Variants in NPSR1 observed in about 807,000 individuals in gnomAD.
NPSR1 encodes the protein neuropeptide S receptor 1, also known as neuropeptide S receptor.
A neutral mutation model predicts 46.9 loss-of-function variants in NPSR1; 48 were observed. That is an observed-to-expected ratio of 1.02 (90% CI 0.81 to 1.30). NPSR1 has a LOEUF of 1.30. NPSR1 is among the 50% of genes most tolerant of loss of function. The pLI, the probability that NPSR1 is intolerant of heterozygous loss-of-function variation, is 0.00. For synonymous variants in NPSR1, 176 were observed against 168.1 expected, an observed-to-expected ratio of 1.05 and a Z score of -0.36; for missense variants, 450 against 449.5, an observed-to-expected ratio of 1.00 and a Z score of -0.01.
At chr7:34,850,034 T>G, downstream of NPSR1, 1 of 970,138 alleles carries the variant, frequency 1.0e-6, no homozygotes, top group Middle Eastern at 5.2e-4. Context: ...CTCATTACAA[T>G]AGAAGAAAAT....
chr7:34,866,424 A>T (rs1471606552), intron 8 of NPSR1, among the ~76,000 whole-genome samples: 2 of 151,814 alleles, frequency 1.3e-5, no homozygotes, highest in African/African-American at 4.9e-5. Flanking sequence ...GAGGGACAGG[A>T]GGCAGAGCGC....
intron 1 of NPSR1, among the ~76,000 whole-genome samples, chr7:34,659,124 T>C (rs1791331665): frequency 6.6e-6 from 1 of 152,190 alleles, no homozygotes; most frequent in Non-Finnish European, 1.5e-5. Flanking sequence ...CTAGAACAAA[T>C]GAAGGACAGA....
intron 2 of NPSR1, chr7:34,704,017 C>A (rs749790317): frequency 2.6e-5 from 4 of 152,212 alleles, no homozygotes; most frequent in Non-Finnish European, 4.4e-5. Flanking sequence ...AAAGCACTTT[C>A]TGAAGAGCAA....
At chr7:34,741,569 TG>T (rs1784941936) in intron 2 of NPSR1, among the ~76,000 whole-genome samples, 1 of 152,188 alleles carries the variant, frequency 6.6e-6, no homozygotes, top group Admixed American at 6.5e-5. Context: ...TCTATGACCC[TG>T]GGAATATTCT....
At chr7:34,671,125 A>G (rs1165054866) in intron 1 of NPSR1, among the ~76,000 whole-genome samples, 1 of 152,174 alleles carries the variant, frequency 6.6e-6, no homozygotes, top group African/African-American at 2.4e-5. Flanking sequence ...TGGAATATTA[A>G]GGAATATTAT....
At chr7:34,750,120 GTGTA>G (rs887993889) in intron 2 of NPSR1, 9 of 279,432 alleles carry the variant, frequency 3.2e-5, no homozygotes, top group African/African-American at 7.5e-5. Context: ...TTTAAAGATC[GTGTA>G]TGTATTTTTT....
chr7:34,870,977 T>C lies in NPSR1; in HGVS notation c.1026-7099T>C, dbSNP rs190243878. 4.2e-4 allele frequency among the ~76,000 whole-genome samples: 64 copies of C among 151,702 alleles called. 3 individuals are homozygous for C. The highest frequency in any genetic ancestry group is 1.4e-3 in the African/African-American group (58 of 41,076). Reference sequence around the variant, plus strand: ...AAGGAAGGGTAGATGAACAGATAGATGGATATCTGAAAGCAGAAGTTGTGA... The same window carrying C: ...AAGGAAGGGTAGATGAACAGATAGACGGATATCTGAAAGCAGAAGTTGTGA... On this transcript the variant is annotated intron_variant, in intron 8 of 8. Transcript: ENST00000359791.
chr7:34,828,999 G>C (rs1030787624), intron 5 of NPSR1, among the ~76,000 whole-genome samples: 2 of 152,134 alleles, frequency 1.3e-5, no homozygotes, highest in Non-Finnish European at 2.9e-5. Flanking sequence ...GTATTTCATT[G>C]TTTTAATATG....
chr7:34,851,185 CTTT>C (rs11337711), downstream of NPSR1, among the ~76,000 whole-genome samples: 25 of 139,576 alleles, frequency 1.8e-4, no homozygotes, highest in African/African-American at 4.2e-4. Flanking sequence ...GAGCTTAAAT[CTTT>C]TTTTTTTTTT....
chr7:34,852,966 G>A (rs921048634), downstream of NPSR1, among the ~76,000 whole-genome samples: 2 of 152,124 alleles, frequency 1.3e-5, no homozygotes, highest in Non-Finnish European at 2.9e-5. Context: ...TACTTGCAGG[G>A]TGCATGTGGA....
At chr7:34,843,332 A>C (rs752140700) in intron 6 of NPSR1, among the ~76,000 whole-genome samples, 94 of 152,256 alleles carry the variant, frequency 6.2e-4, no homozygotes, top group Non-Finnish European at 9.3e-4. Context: ...AAGCGAGCAC[A>C]CAAGACAGAG....
intron 5 of NPSR1, among the ~76,000 whole-genome samples, chr7:34,828,050 G>A (rs1233842081): frequency 6.6e-6 from 1 of 152,062 alleles, no homozygotes; most frequent in Non-Finnish European, 1.5e-5. Flanking sequence ...CCAGTTTCAG[G>A]GATTTTGTAA....
At position 34,778,159 on chromosome 7, in the gene NPSR1, T is replaced by C. The variant is rs193105570; in HGVS notation, c.281-303T>C. Among the ~76,000 whole-genome samples the C allele has an allele frequency of 5.9e-5, 9 of 152,276 alleles. No homozygotes were observed. In the East Asian group the frequency reaches 1.4e-3, roughly 23 times the overall value. On this transcript the variant is annotated intron_variant, in intron 2 of 8. Coordinates refer to ENST00000360581, the MANE Select transcript of NPSR1 (RefSeq NM_207172.2). ...GTGCTTTCTTTAGTACAGACCTACA[T>C]ACCCCGAAAACTTCTGTTCTGTGAC... is the stretch of plus-strand genomic sequence containing the variant.
In NPSR1 at chr7:34,869,169, G is replaced by C. The variant is rs1791392369; in HGVS notation, c.1026-8907G>C. Among the ~76,000 whole-genome samples, 2 of 151,788 alleles carry C rather than the reference G, an allele frequency of 1.3e-5. 1 individual carries two copies. Among genetic ancestry groups the C allele is most frequent in the African/African-American group, 4.9e-5 (2 of 41,038 alleles). On this transcript the variant is annotated intron_variant, in intron 8 of 8. Transcript: ENST00000359791. ...ACAGGGCTGCCACAGTATGGTAGCA[G>C]TCAGGACTTTTCATCAATGACAGCC...
intron 1 of NPSR1, among the ~76,000 whole-genome samples, chr7:34,665,224 G>A (rs974128429): frequency 6.6e-6 from 1 of 152,158 alleles, no homozygotes; most frequent in Non-Finnish European, 1.5e-5. Context: ...TAACACACCA[G>A]AGGTTTATTG....
intron 3 of NPSR1, among the ~76,000 whole-genome samples, chr7:34,790,724 T>TTATATATAA (rs1250054550): frequency 8.9e-6 from 1 of 112,820 alleles, no homozygotes; most frequent in Non-Finnish European, 1.9e-5. Context: ...ATAATATATG[T>TTATATATAA]TATATGTTAT....
rs201273769 is a variant in NPSR1, at chr7:34,827,633, G to A, written c.680+31G>A. ...AAGCCGTCAGGACAGGACCACACGG[G>A]GGGGTGGGGCGGGGGGGGCTTTCCT... On this transcript the variant is annotated intron_variant, in intron 5 of 8. Transcript: ENST00000360581. The A allele has an allele frequency of 4.6e-4, 586 of 1,286,254 alleles. 6 individuals are homozygous for A. Among genetic ancestry groups the A allele is most frequent in the African/African-American group, 2.0e-3 (104 of 52,502 alleles). The allele number at this position is 1,286,254 out of a possible 1,614,324, so 79.7% of individuals were successfully genotyped here.
intron 2 of NPSR1, among the ~76,000 whole-genome samples, chr7:34,760,192 T>C (rs1439197627): frequency 1.3e-5 from 2 of 152,198 alleles, no homozygotes; most frequent in Admixed American, 6.5e-5. Flanking sequence ...CAGAAAACAT[T>C]ATTCTAGCAA....
intron 1 of NPSR1, 29 bp from the exon 2 acceptor site, chr7:34,684,523 C>T (rs1414098142): frequency 3.1e-6 from 5 of 1,610,010 alleles, no homozygotes; most frequent in Admixed American, 3.4e-5. Context: ...CACTGGTACA[C>T]TGGTTTTATT....
Sources: gnomAD v4.1 joint callset for allele counts (sites outside exome capture counted in the v4.1 genomes callset) on GRCh38, gnomAD v4.1.1 for gene constraint, MANE v1.5 for transcripts, NCBI Gene and HGNC (gene_info 2026-07-23, HGNC 2026-07-21) for gene names.